RGL1: variants seen among roughly 807,000 people sequenced by gnomAD.
The protein encoded by RGL1 is ral guanine nucleotide dissociation stimulator like 1.
Under a neutral mutation model 95.2 loss-of-function variants are expected in RGL1, and 24 were observed. The observed-to-expected ratio is 0.25, with a 90% CI of 0.18 to 0.35. RGL1 has a LOEUF of 0.35. Among genes scored for constraint, RGL1 ranks in the 10% least tolerant of loss-of-function variants. The pLI, the probability that RGL1 is intolerant of heterozygous loss-of-function variation, is 1.00. For missense variants in RGL1, 715 were observed against 936.3 expected (o/e 0.76, Z 3.08); for synonymous variants, 329 against 344.9 (o/e 0.95, Z 0.51).
chr1:183,659,657 C>T (rs1056457314), intron 1 of RGL1, among the ~76,000 whole-genome samples: 4 of 152,180 alleles, frequency 2.6e-5, no homozygotes, highest in Admixed American at 2.6e-4. Context: ...AGGAGAACTT[C>T]CCCAATCTAG....
intron 3 of RGL1, among the ~76,000 whole-genome samples, chr1:183,858,725 G>T (rs1665320172): frequency 6.6e-6 from 1 of 152,190 alleles, no homozygotes; most frequent in Admixed American, 6.5e-5. Context: ...CCTTGATAAT[G>T]CTGTCAGGCC....
intron 16 of RGL1, among the ~76,000 whole-genome samples, chr1:183,918,136 G>A (rs1038454956): frequency 6.6e-6 from 1 of 152,170 alleles, no homozygotes; most frequent in Admixed American, 6.5e-5. Context: ...TACCAGAGGA[G>A]GATATTCAGG....
intron 1 of RGL1, among the ~76,000 whole-genome samples, chr1:183,668,805 C>T (rs1652223449): frequency 6.6e-6 from 1 of 151,986 alleles, no homozygotes. Flanking sequence ...CTGCTCTTTT[C>T]TCTTTTTCCT....
intron 2 of RGL1, among the ~76,000 whole-genome samples, chr1:183,785,631 T>TATGA (rs1660119534): frequency 6.6e-6 from 1 of 152,136 alleles, no homozygotes; most frequent in Non-Finnish European, 1.5e-5. Flanking sequence ...TGCATGATTG[T>TATGA]ATGAATGAAT....
intron 2 of RGL1, among the ~76,000 whole-genome samples, chr1:183,752,174 G>A (rs1658042501): frequency 6.6e-6 from 1 of 152,036 alleles, no homozygotes; most frequent in Non-Finnish European, 1.5e-5. Flanking sequence ...CATCCACAGT[G>A]CATAAGAGTT....
chr1:183,638,739 T>C (rs1028194672), intron 1 of RGL1, among the ~76,000 whole-genome samples: 4 of 152,206 alleles, frequency 2.6e-5, no homozygotes, highest in Non-Finnish European at 5.9e-5. Context: ...TAAGACATTT[T>C]ACTTGTTGTG....
chr1:183,648,017 C>T, intron 1 of RGL1: 2 of 1,614,148 alleles, frequency 1.2e-6, no homozygotes, highest in Admixed American at 1.7e-5. Flanking sequence ...CTAAAGCCTC[C>T]TGAGCTTTTG....
At chr1:183,715,361 ATTG>A (rs1181169780) in intron 1 of RGL1, among the ~76,000 whole-genome samples, 1 of 151,844 alleles carries the variant, frequency 6.6e-6, no homozygotes, top group African/African-American at 2.4e-5. Context: ...ACCTCACCTC[ATTG>A]TTGGTGAACT....
intron 2 of RGL1, among the ~76,000 whole-genome samples, chr1:183,761,242 T>C (rs1233367629): frequency 1.3e-5 from 2 of 152,222 alleles, no homozygotes; most frequent in African/African-American, 2.4e-5. Flanking sequence ...ATGGCAGCTA[T>C]AGCCTTATGA....
At chr1:183,760,736 G>C (rs939045567) in intron 2 of RGL1, among the ~76,000 whole-genome samples, 1 of 152,156 alleles carries the variant, frequency 6.6e-6, no homozygotes, top group Non-Finnish European at 1.5e-5. Context: ...CTGAGCAAGA[G>C]AGCAAGACCC....
intron 9 of RGL1, among the ~76,000 whole-genome samples, chr1:183,897,012 G>C (rs1166534500): frequency 6.6e-6 from 1 of 152,218 alleles, no homozygotes; most frequent in Non-Finnish European, 1.5e-5. Flanking sequence ...ATTTAGCTAA[G>C]AAATGCTACA....
At chr1:183,748,562 C>T (rs1490386006) in intron 2 of RGL1, among the ~76,000 whole-genome samples, 3 of 151,904 alleles carry the variant, frequency 2.0e-5, no homozygotes, top group Non-Finnish European at 2.9e-5. Context: ...CCCGCCACCA[C>T]GTCCAGCTAA....
intron 17 of RGL1, among the ~76,000 whole-genome samples, chr1:183,924,090 C>T (rs572308816): frequency 1.3e-5 from 2 of 152,252 alleles, no homozygotes; most frequent in Non-Finnish European, 2.9e-5. Context: ...CCAGAAATGC[C>T]ATTTGACCCA....
intron 4 of RGL1, among the ~76,000 whole-genome samples, chr1:183,876,603 A>T (rs1666511690): frequency 6.6e-6 from 1 of 152,258 alleles, no homozygotes; most frequent in South Asian, 2.1e-4. Context: ...GGCTTCAGGA[A>T]TTACTTCTGC....
At chr1:183,879,500 C>A (rs1325658596) in intron 4 of RGL1, among the ~76,000 whole-genome samples, 1 of 152,168 alleles carries the variant, frequency 6.6e-6, no homozygotes, top group East Asian at 1.9e-4. Flanking sequence ...CTAAAAAATT[C>A]TTTTTGGCTG....
chr1:183,688,695 A>G (rs1176457854), intron 1 of RGL1, among the ~76,000 whole-genome samples: 2 of 152,222 alleles, frequency 1.3e-5, no homozygotes, highest in African/African-American at 4.8e-5. Flanking sequence ...GCAGGAAAAC[A>G]GTATTATGCA....
intron 4 of RGL1, among the ~76,000 whole-genome samples, chr1:183,876,246 T>A (rs1013271513): frequency 3.3e-5 from 5 of 152,270 alleles, no homozygotes; most frequent in African/African-American, 1.2e-4. Flanking sequence ...GGTGAATGAA[T>A]TTCTTAGAAG....
intron 2 of RGL1, among the ~76,000 whole-genome samples, chr1:183,824,724 T>C (rs1662732870): frequency 6.6e-6 from 1 of 152,254 alleles, no homozygotes; most frequent in Non-Finnish European, 1.5e-5. Flanking sequence ...TTCTATCTTT[T>C]ATAATTTGGA....
chr1:183,645,898 C>T (rs1650258813), intron 1 of RGL1, among the ~76,000 whole-genome samples: 1 of 152,202 alleles, frequency 6.6e-6, no homozygotes, highest in Admixed American at 6.5e-5. Context: ...CTTATCGAAC[C>T]AGTACAAAAG....
Sources: gnomAD v4.1 joint callset for allele counts (sites outside exome capture counted in the v4.1 genomes callset) on GRCh38, gnomAD v4.1.1 for gene constraint, MANE v1.5 for transcripts, NCBI Gene and HGNC (gene_info 2026-07-23, HGNC 2026-07-21) for gene names.